ANK3: variants seen among roughly 807,000 people sequenced by gnomAD.
ANK3 encodes the protein ankyrin-3.
In ANK3, 57 loss-of-function variants were observed where a neutral mutation model predicts 370.9. The observed-to-expected ratio is 0.15, with a 90% CI of 0.12 to 0.19. The LOEUF is 0.19. ANK3 is among the 10% of genes least tolerant of loss of function. The probability of loss-of-function intolerance (pLI) is 1.00; values close to 1 mark genes in which losing one functional copy is unlikely to be tolerated. For synonymous variants in ANK3, 1,929 were observed against 1,946.3 expected (o/e 0.99, Z 0.23); for missense variants, 4,439 against 5,302.1 (o/e 0.84, Z 5.06).
At chr10:60,165,731 A>G (rs1341744272) in intron 23 of ANK3, among the ~76,000 whole-genome samples, 1 of 152,228 alleles carries the variant, frequency 6.6e-6, no homozygotes, top group Non-Finnish European at 1.5e-5. Context: ...ACTAACCAAA[A>G]GAAAGCTACT....
chr10:60,488,656 T>A (rs1277869339), intron 2 of ANK3, among the ~76,000 whole-genome samples: 1 of 152,224 alleles, frequency 6.6e-6, no homozygotes, highest in African/African-American at 2.4e-5. Context: ...ATGAATGGAA[T>A]CATAAATCAT....
In ANK3 at chr10:60,434,863, T is replaced by A. The variant is rs145238455; in HGVS notation, c.97-155224A>T. Among the ~76,000 whole-genome samples the A allele has an allele frequency of 2.9e-3, 443 of 152,362 alleles. 2 individuals are homozygous for A. The highest frequency in any genetic ancestry group is 0.01 in the African/African-American group (420 of 41,582). ...AAACTCAGTGAGGTTTTATTTTTGA[T>A]TAATGTAAAAATTTGTTTTATGTGA... On this transcript the variant is annotated intron_variant, in intron 2 of 43. Transcript: ENST00000373827.
chr10:60,670,145 A>T (rs973775135), intron 1 of ANK3, among the ~76,000 whole-genome samples: 3 of 152,016 alleles, frequency 2.0e-5, no homozygotes, highest in Non-Finnish European at 4.4e-5. Context: ...TAAATATCCC[A>T]TGGCTGCAAA....
chr10:60,216,691 A>G (rs1302380541), intron 8 of ANK3, among the ~76,000 whole-genome samples: 1 of 152,224 alleles, frequency 6.6e-6, no homozygotes, highest in South Asian at 2.1e-4. Flanking sequence ...GGATTTTCTC[A>G]TCGATGTTCA....
At chr10:60,500,394 G>GT (rs548263272) in intron 2 of ANK3, among the ~76,000 whole-genome samples, 1 of 152,110 alleles carries the variant, frequency 6.6e-6, no homozygotes, top group South Asian at 2.1e-4. Context: ...GAAAAAAAGA[G>GT]TTTCAATTTG....
chr10:60,604,840 T>G (rs911290049), intron 2 of ANK3, among the ~76,000 whole-genome samples: 7 of 152,072 alleles, frequency 4.6e-5, no homozygotes, highest in African/African-American at 1.7e-4. Context: ...ATAGTGTGCT[T>G]TATTATTGAA....
intron 5 of ANK3, among the ~76,000 whole-genome samples, chr10:60,269,293 T>C (rs766006525): frequency 4.6e-5 from 7 of 152,218 alleles, no homozygotes; most frequent in Non-Finnish European, 7.3e-5. Context: ...AATTATTCTA[T>C]TCTAGACAGC....
Position 60,070,197 on chromosome 10 carries a change from C to A in ANK3, c.10684G>T (p.Asp3562Tyr). ...DEVFDSKSRE[D>Y]ETKPFGLAVE... ...GCCAGCCCAAATGGCTTAGTTTCAT[C>A]TTCCCGTGATTTACTGTCAAAAACT... The change falls in exon 37 of 44, where the codon GAT becomes TAT. Residue 3562 changes from aspartate (D) to tyrosine (Y), a missense_variant. Asp to Tyr is a radical substitution (Grantham distance 160). Around this residue, in one of 13 missense-constraint regions of ANK3, gnomAD observed 1,601 missense variants for 1,731.7 expected, o/e 0.92. Coordinates refer to ENST00000280772, the MANE Select transcript of ANK3 (RefSeq NM_020987.5). The surrounding 1 kb of genome is among the most constrained non-coding windows in gnomAD (Gnocchi z 5.7). 1 of 1,614,138 alleles carries A rather than the reference C, an allele frequency of 6.2e-7. No individual in the cohort carries two copies. Among genetic ancestry groups the A allele is most frequent in the Non-Finnish European group, 8.5e-7 (1 of 1,180,016 alleles).
intron 43 of ANK3, among the ~76,000 whole-genome samples, chr10:60,035,473 T>C (rs2074735312): frequency 6.6e-6 from 1 of 151,734 alleles, no homozygotes; most frequent in Non-Finnish European, 1.5e-5. Context: ...GGCTGGTCTC[T>C]AACTTCTGAC....
intron 23 of ANK3, 34 bp downstream of exon 23, chr10:60,166,557 G>T (rs373513600): frequency 4.5e-6 from 7 of 1,540,416 alleles, no homozygotes; most frequent in East Asian, 2.3e-5. Flanking sequence ...GTTGGTAGTA[G>T]TTAAGTTTCA....
At chr10:60,725,586 G>A (rs1330278921) in intron 1 of ANK3, among the ~76,000 whole-genome samples, 2 of 152,018 alleles carry the variant, frequency 1.3e-5, no homozygotes, top group Non-Finnish European at 2.9e-5. Flanking sequence ...CTAAGAACCA[G>A]GAATAAGTCT....
intron 18 of ANK3, among the ~76,000 whole-genome samples, chr10:60,176,794 A>C (rs1347880468): frequency 1.3e-5 from 2 of 152,038 alleles, no homozygotes; most frequent in African/African-American, 4.8e-5. Flanking sequence ...AAACAAAAAC[A>C]AACAAACAAA....
intron 2 of ANK3, among the ~76,000 whole-genome samples, chr10:60,604,690 A>G (rs1022393758): frequency 2.0e-5 from 3 of 152,190 alleles, no homozygotes; most frequent in African/African-American, 7.2e-5. Context: ...AAAATAGAAT[A>G]ATGCTTTGGG....
At chr10:60,146,486 T>C (rs1443745307) in intron 23 of ANK3, among the ~76,000 whole-genome samples, 2 of 152,168 alleles carry the variant, frequency 1.3e-5, no homozygotes, top group African/African-American at 4.8e-5. Flanking sequence ...TGGTGTCTGT[T>C]GCTCCCTTCT....
rs1402737291 is a variant in ANK3 at position 60,068,818 on chromosome 10, C to A, written c.12063G>T (p.Met4021Ile). 6.2e-7 allele frequency: 1 copy of A among 1,614,182 alleles called. No homozygotes were observed. The highest frequency in any genetic ancestry group is 2.2e-5 in the East Asian group (1 of 44,880). Residue 4021 changes from methionine to isoleucine, a missense_variant, in exon 37 of 44, where the codon ATG becomes ATT. Physicochemically the swap from Met to Ile is conservative, Grantham distance 10 (BLOSUM62 1). Around this residue, in one of 13 missense-constraint regions of ANK3, gnomAD observed 496 missense variants for 529.3 expected, o/e 0.94. Transcript: ENST00000280772. ...CTTCCTCATCGGACAACTCGGACTG[C>A]ATCTTTTTTTCTTCTTCAGAGAGGC... ...VDRLSEEEKK[M>I]QSELSDEEES...
At position 60,070,904 on chromosome 10, in the gene ANK3, G is replaced by A. The variant is rs748500313; in HGVS notation, c.9977C>T (p.Pro3326Leu). 6.2e-7 allele frequency: 1 copy of A among 1,614,090 alleles called. No individual in the cohort carries two copies. The highest frequency in any genetic ancestry group is 8.5e-7 in the Non-Finnish European group (1 of 1,179,996). ...GAAGGTATATTTTTTAACTGGGACT[G>A]GCTGATAAATAGATTCGTCATCGCT... ...DSSDDESIYQ[P>L]VPVKKYTFKL... Residue 3326 changes from proline to leucine, a missense_variant, in exon 37 of 44, where the codon CCA becomes CTA. Pro to Leu is a moderately conservative substitution (Grantham distance 98, BLOSUM62 -3). Coordinates refer to ENST00000280772, the MANE Select transcript of ANK3 (RefSeq NM_020987.5). The surrounding 1 kb of genome is among the most constrained non-coding windows in gnomAD (Gnocchi z 5.7).
At chr10:60,244,766 A>G (rs555048968) in intron 7 of ANK3, among the ~76,000 whole-genome samples, 1 of 152,346 alleles carries the variant, frequency 6.6e-6, no homozygotes, top group Admixed American at 6.5e-5. Context: ...CGCTATAAAC[A>G]TATATCTTTT....
chr10:60,465,406 G>A (rs765584696), intron 2 of ANK3, among the ~76,000 whole-genome samples: 36 of 152,332 alleles, frequency 2.4e-4, no homozygotes, highest in Non-Finnish European at 5.0e-4. Context: ...CAATATGTAT[G>A]ATTTCCAGTT....
chr10:60,213,928 A>G (rs1365573869), intron 8 of ANK3, among the ~76,000 whole-genome samples: 5 of 152,108 alleles, frequency 3.3e-5, no homozygotes, highest in Non-Finnish European at 7.4e-5. Flanking sequence ...ATGTAATTTT[A>G]TGCTTGAAGG....
Sources: gnomAD v4.1 joint callset for allele counts (sites outside exome capture counted in the v4.1 genomes callset) on GRCh38, gnomAD v4.1.1 for gene constraint, gnomAD v4.1.1 regional missense constraint, Gnocchi (gnomAD v3.1) non-coding constraint, MANE v1.5 for transcripts, NCBI Gene and HGNC (gene_info 2026-07-23, HGNC 2026-07-21) for gene names.